The following ARHGAP29 variants were observed in gnomAD, a reference collection of about 807,000 sequenced individuals.
The protein encoded by ARHGAP29 is Rho GTPase activating protein 29.
Under a neutral mutation model 122.6 loss-of-function variants are expected in ARHGAP29, and 43 were observed. The ratio of observed to expected loss-of-function variants is 0.35; its 90% CI spans 0.27 to 0.45. The LOEUF is 0.45. Among genes scored for constraint, ARHGAP29 ranks in the 20% least tolerant of loss-of-function variants. The pLI is 1.00. For synonymous variants in ARHGAP29, 506 were observed against 497.1 expected, an observed-to-expected ratio of 1.02 and a Z score of -0.24; for missense variants, 1,303 against 1,477.2, an observed-to-expected ratio of 0.88 and a Z score of 1.93.
At chr1:94,230,636 G>A (rs1271400281) in intron 2 of ARHGAP29, among the ~76,000 whole-genome samples, 1 of 151,580 alleles carries the variant, frequency 6.6e-6, no homozygotes, top group Non-Finnish European at 1.5e-5. Flanking sequence ...GCCCCAAGAG[G>A]TCTCATATAA....
intron 19 of ARHGAP29, among the ~76,000 whole-genome samples, chr1:94,182,973 G>C (rs966308932): frequency 6.6e-6 from 1 of 152,116 alleles, no homozygotes; most frequent in Non-Finnish European, 1.5e-5. Context: ...AGATAAGGAG[G>C]AGTAAGTTCT....
intron 1 of ARHGAP29, among the ~76,000 whole-genome samples, chr1:94,254,910 A>G (rs189936434): frequency 1.3e-5 from 2 of 152,330 alleles, no homozygotes; most frequent in Admixed American, 6.5e-5. Context: ...GAAGTGCTAT[A>G]AAAACTGAAG....
rs1386488730 is a variant in ARHGAP29 at position 94,174,627 on chromosome 1, T to A, written c.3028A>T (p.Thr1010Ser). ...ACAGGTCTAATCTTGGTCCTTGGAG[T>A]ATGCCTCTCCACATTGTTTGTTGAC... Reference protein sequence around the residue: ...DRSTNNVERHTPRTKIRPVSL... With the variant: ...DRSTNNVERHSPRTKIRPVSL... The change falls in exon 23 of 23, where the codon ACT becomes TCT. Residue 1010 changes from threonine to serine, a missense_variant. This residue lies in a region of ARHGAP29 where 620 missense variants were observed against 651.2 expected (regional missense o/e 0.95). Transcript: ENST00000260526. 2 of 1,613,986 alleles carry A rather than the reference T, an allele frequency of 1.2e-6. No homozygotes were observed. Among genetic ancestry groups the A allele is most frequent in the African/African-American group, 2.7e-5 (2 of 74,932 alleles).
At chr1:94,305,162 C>T in the ARHGAP29 span, among the ~76,000 whole-genome samples, 1 of 152,338 alleles carries the variant, frequency 6.6e-6, no homozygotes, top group South Asian at 2.1e-4. Flanking sequence ...ATAATGCTGT[C>T]CCTCACCTCC....
chr1:94,182,006 ATTTC>A (rs914853483), intron 19 of ARHGAP29, among the ~76,000 whole-genome samples: 8 of 152,314 alleles, frequency 5.3e-5, no homozygotes, highest in South Asian at 2.1e-4. Context: ...ACCTGTTTAT[ATTTC>A]TTTATGTGGC....
In ARHGAP29 at chr1:94,190,081, T is replaced by A. The variant is rs938711628; in HGVS notation, c.1284A>T (p.Val428=). 2 of 1,612,800 alleles carry A rather than the reference T, an allele frequency of 1.2e-6. No homozygotes were observed. The highest frequency in any genetic ancestry group is 1.7e-5 in the Admixed American group (1 of 59,828). The change falls in exon 13 of 23, where the codon GTA becomes GTT. Residue 428 remains valine, a splice_region_variant and synonymous_variant. Transcript: ENST00000260526. The part of the protein sequence containing the change: ...VFQCDLTLKA[V]TVNLFHMQHL... ...GCTGCATGTGGAAGAGGTTAACTGT[T>A]ACCTATGGACCCAGAGACAAAAGGC...
upstream of ARHGAP29, among the ~76,000 whole-genome samples, chr1:94,279,517 T>C (rs889558305): frequency 2.0e-5 from 3 of 152,198 alleles, no homozygotes; most frequent in African/African-American, 2.4e-5. Context: ...CATATCAAAA[T>C]CACTAATTTA....
the ARHGAP29 span, among the ~76,000 whole-genome samples, chr1:94,303,759 G>A: frequency 2.6e-5 from 4 of 152,124 alleles, no homozygotes; most frequent in Non-Finnish European, 4.4e-5. Context: ...GGAGATTTGG[G>A]GGTTAAGTAA....
At chr1:94,260,043 C>T (rs1041667757) in intron 1 of ARHGAP29, among the ~76,000 whole-genome samples, 6 of 152,172 alleles carry the variant, frequency 3.9e-5, no homozygotes, top group African/African-American at 1.4e-4. Context: ...TTCAAAATGG[C>T]TTAGTTCTGA....
Position 94,205,983 on chromosome 1 carries a change from T to C in ARHGAP29, c.511-300A>G, listed in dbSNP as rs1029473398. ...TAAATTTTGCAGATAACAAAAATAT[T>C]AGTCAAGAAGTTAGAGAAGCAATGC... On this transcript the variant is annotated intron_variant, in intron 5 of 22. Coordinates refer to ENST00000260526, the MANE Select transcript of ARHGAP29 (RefSeq NM_004815.4). Among the ~76,000 whole-genome samples the C allele has an allele frequency of 5.9e-5, 9 of 152,318 alleles. 1 individual carries two copies. In the East Asian group the frequency reaches 1.5e-3, roughly 26 times the overall value.
intron 1 of ARHGAP29, among the ~76,000 whole-genome samples, chr1:94,234,417 G>C (rs1483695034): frequency 6.6e-6 from 1 of 152,168 alleles, no homozygotes; most frequent in Non-Finnish European, 1.5e-5. Context: ...AAAAAGAAAA[G>C]TATATGAAGC....
At chr1:94,245,400 T>A (rs1202874920) in intron 1 of ARHGAP29, among the ~76,000 whole-genome samples, 1 of 152,132 alleles carries the variant, frequency 6.6e-6, no homozygotes, top group Non-Finnish European at 1.5e-5. Context: ...ACATTACATA[T>A]CCATGACATA....
chr1:94,295,448 G>C, the ARHGAP29 span, among the ~76,000 whole-genome samples: 2 of 152,144 alleles, frequency 1.3e-5, no homozygotes, highest in Admixed American at 6.5e-5. Context: ...AGCACACATT[G>C]ATAAGAAGAT....
intron 12 of ARHGAP29, among the ~76,000 whole-genome samples, chr1:94,200,378 C>T (rs947165680): frequency 2.6e-5 from 4 of 152,188 alleles, no homozygotes; most frequent in African/African-American, 9.6e-5. Flanking sequence ...GAACAGCTAA[C>T]ATTTAAAAAC....
At chr1:94,291,337 A>G in the ARHGAP29 span, among the ~76,000 whole-genome samples, 1 of 152,082 alleles carries the variant, frequency 6.6e-6, no homozygotes, top group African/African-American at 2.4e-5. Context: ...TTTTGAACCT[A>G]TGTGTGTCTT....
the ARHGAP29 span, among the ~76,000 whole-genome samples, chr1:94,295,741 T>TCCACACAATGTGGAATCTTCTAAC: frequency 4.6e-5 from 7 of 150,748 alleles, no homozygotes; most frequent in South Asian, 6.3e-4. Context: ...AATCTTCTAA[T>TCCACACAATGTGGAATCTTCTAAC]TCCACACAAT....
intron 1 of ARHGAP29, among the ~76,000 whole-genome samples, chr1:94,273,414 C>G (rs750754091): frequency 3.0e-4 from 46 of 152,224 alleles, no homozygotes; most frequent in Non-Finnish European, 3.5e-4. Context: ...TAAAAGATAC[C>G]CTTGGAAATT....
Position 94,174,493 on chromosome 1 carries a change from T to C in ARHGAP29, c.3162A>G (p.Glu1054=). The change falls in exon 23 of 23, where the codon GAA becomes GAG. Residue 1054 remains glutamate (E), a synonymous_variant. Transcript: ENST00000260526. ...LDKFCKNPAF[E]GVNRKDAATT... ...TAGCAGCGTCTTTTCTATTAACTCC[T>C]TCAAAGGCAGGATTCTTGCAAAACT... The C allele has an allele frequency of 6.2e-7, 1 of 1,614,216 alleles. No homozygotes were observed. The highest frequency in any genetic ancestry group is 8.5e-7 in the Non-Finnish European group (1 of 1,180,038).
At chr1:94,249,959 G>C (rs1654018967) in intron 1 of ARHGAP29, among the ~76,000 whole-genome samples, 1 of 151,858 alleles carries the variant, frequency 6.6e-6, no homozygotes, top group Non-Finnish European at 1.5e-5. Flanking sequence ...GGGATGTTGA[G>C]GGCATGAATG....
Sources: gnomAD v4.1 joint callset for allele counts (sites outside exome capture counted in the v4.1 genomes callset) on GRCh38, gnomAD v4.1.1 for gene constraint, gnomAD v4.1.1 regional missense constraint, MANE v1.5 for transcripts, NCBI Gene and HGNC (gene_info 2026-07-23, HGNC 2026-07-21) for gene names.